Variants in RECK observed in about 807,000 individuals in gnomAD.
RECK encodes reversion inducing cysteine rich protein with kazal motifs, also known as reversion-inducing cysteine-rich protein with Kazal motifs.
A neutral mutation model predicts 115.1 loss-of-function variants in RECK; 69 were observed. The observed-to-expected ratio is 0.60, with a 90% confidence interval of 0.49 to 0.73. RECK has a LOEUF of 0.73. RECK is among the 30% of genes least tolerant of loss of function. RECK has a pLI of 0.00. For synonymous variants in RECK, 414 were observed against 419.7 expected, an observed-to-expected ratio of 0.99 and a Z score of 0.17; for missense variants, 1,047 against 1,203.7, an observed-to-expected ratio of 0.87 and a Z score of 1.93.
At chr9:36,103,724 C>T (rs1263311942) in intron 12 of RECK, among the ~76,000 whole-genome samples, 1 of 152,202 alleles carries the variant, frequency 6.6e-6, no homozygotes, top group African/African-American at 2.4e-5. Flanking sequence ...TGTCCCTTAA[C>T]CTTTGTGACC....
At chr9:36,065,313 GTGT>G (rs953181668) in intron 5 of RECK, among the ~76,000 whole-genome samples, 1 of 149,454 alleles carries the variant, frequency 6.7e-6, no homozygotes, top group Non-Finnish European at 1.5e-5. Context: ...CAAAAGGACT[GTGT>G]TGTTATGTGA....
At position 36,063,876 on chromosome 9, in the gene RECK, A is replaced by G; in HGVS notation, c.353A>G (p.Lys118Arg). 6.2e-7 allele frequency: 1 copy of G among 1,613,984 alleles called. No homozygotes were observed. The highest frequency in any genetic ancestry group is 8.5e-7 in the Non-Finnish European group (1 of 1,179,836). The part of the protein sequence containing the change: ...AIALECRQAC[K>R]QASSKNDISK... Reference sequence around the variant, plus strand: ...GCCTTGGAGTGTCGACAGGCATGCAAGCAGGTAACACTGGGTAGTCAGGCT... The same window carrying G: ...GCCTTGGAGTGTCGACAGGCATGCAGGCAGGTAACACTGGGTAGTCAGGCT... The change falls in exon 5 of 21, where the codon AAG (lysine) becomes AGG (arginine). Residue 118 changes from lysine (K) to arginine (R), a missense_variant. Coordinates refer to ENST00000377966, the MANE Select transcript of RECK (RefSeq NM_021111.3).
In RECK at chr9:36,110,036, C is replaced by T. The variant is rs1564134139; in HGVS notation, c.1845C>T (p.Cys615=). The part of the protein sequence containing the change: ...AGNLVCSTRL[C]LSEHSSEDDR... ...ATTTGGTGTGCTCTACCCGCCTTTG[C>T]CTCAGTGAGCACAGTTCAGAAGATG... Residue 615 remains cysteine (C), a synonymous_variant, in exon 15 of 21, where the codon TGC becomes TGT. Coordinates refer to ENST00000377966, the MANE Select transcript of RECK (RefSeq NM_021111.3). 6.2e-7 allele frequency: 1 copy of T among 1,613,870 alleles called. No homozygotes were observed. Among genetic ancestry groups the T allele is most frequent in the Non-Finnish European group, 8.5e-7 (1 of 1,179,778 alleles).
intron 7 of RECK, among the ~76,000 whole-genome samples, chr9:36,082,188 C>CTCT (rs1401784584): frequency 2.6e-4 from 38 of 146,456 alleles, no homozygotes; most frequent in South Asian, 6.6e-4. Context: ...CTCTCTCTCT[C>CTCT]CTTTTTTCTT....
In RECK at chr9:36,036,922, G is replaced by T; in HGVS notation, c.-77G>T. Reference sequence around the variant, plus strand: ...CTGGGGGCGGGGCCTCGCGCGAGCGGCGGCGGTAGCGGCGGCAGCGGCTGC... The same window carrying T: ...CTGGGGGCGGGGCCTCGCGCGAGCGTCGGCGGTAGCGGCGGCAGCGGCTGC... On this transcript the variant is annotated 5_prime_UTR_variant, in exon 1 of 21. Coordinates refer to ENST00000377966, the MANE Select transcript of RECK (RefSeq NM_021111.3). 1.0e-6 allele frequency: 1 copy of T among 955,074 alleles called. No homozygotes were observed. Among genetic ancestry groups the T allele is most frequent in the Non-Finnish European group, 1.4e-6 (1 of 725,090 alleles). 59.2% of individuals were successfully genotyped at this position (955,074 alleles called of 1,614,324 possible).
chr9:36,119,665 G>A (rs1347724162), intron 18 of RECK, among the ~76,000 whole-genome samples: 1 of 152,140 alleles, frequency 6.6e-6, no homozygotes, highest in Non-Finnish European at 1.5e-5. Context: ...CTAAGCACTG[G>A]GGACACAGCA....
In RECK at chr9:36,058,817, T is replaced by C; in HGVS notation, c.160-10T>C. ...AATGCCACAAAAACTTTTTTTTTTT[T>C]GTCAAATAGATTTTCTCCTCAAAAA... On this transcript the variant is annotated splice_polypyrimidine_tract_variant and intron_variant, in intron 2 of 20. Coordinates refer to ENST00000377966, the MANE Select transcript of RECK (RefSeq NM_021111.3). 2.5e-6 allele frequency: 4 copies of C among 1,581,520 alleles called. No homozygotes were observed. Among genetic ancestry groups the C allele is most frequent in the Non-Finnish European group, 3.4e-6 (4 of 1,164,750 alleles).
At chr9:36,042,379 A>C (rs554586882) in intron 1 of RECK, among the ~76,000 whole-genome samples, 1 of 151,746 alleles carries the variant, frequency 6.6e-6, no homozygotes, top group Non-Finnish European at 1.5e-5. Context: ...GGTTGCTGCA[A>C]ATGCCATTAT....
At chr9:36,101,102 G>A (rs1823551385) in intron 11 of RECK, among the ~76,000 whole-genome samples, 1 of 151,986 alleles carries the variant, frequency 6.6e-6, no homozygotes, top group Non-Finnish European at 1.5e-5. Context: ...GAGTAGCTGG[G>A]ACTACACGCC....
intron 1 of RECK, among the ~76,000 whole-genome samples, chr9:36,040,153 A>G (rs1820821311): frequency 6.6e-6 from 1 of 152,240 alleles, no homozygotes; most frequent in Non-Finnish European, 1.5e-5. Context: ...TGCTGCTCCA[A>G]GGAGCTTACA....
At chr9:36,083,297 TATG>T (rs1822802203) in intron 7 of RECK, 65 bp from the exon 8 acceptor site, 5 of 1,411,702 alleles carry the variant, frequency 3.5e-6, no homozygotes, top group Non-Finnish European at 4.9e-6. Flanking sequence ...GTTCCATCAT[TATG>T]ATGATGATTT....
chr9:36,109,858 A>T, intron 14 of RECK, 99 bp from the exon 15 acceptor site: 2 of 1,201,136 alleles, frequency 1.7e-6, no homozygotes, highest in East Asian at 2.5e-5. Context: ...AAAAAAAAGG[A>T]ATTTCCATTT....
intron 19 of RECK, among the ~76,000 whole-genome samples, chr9:36,121,134 C>T (rs562858781): frequency 2.0e-5 from 3 of 152,310 alleles, no homozygotes; most frequent in South Asian, 2.1e-4. Flanking sequence ...GAGCCCTGCC[C>T]GTTCCCTGCA....
intron 8 of RECK, among the ~76,000 whole-genome samples, chr9:36,084,588 G>C (rs1345167034): frequency 6.6e-6 from 1 of 152,066 alleles, no homozygotes. Context: ...CCAGCTACTC[G>C]GGAGGCTGAG....
intron 6 of RECK, among the ~76,000 whole-genome samples, chr9:36,070,241 C>A (rs1822175370): frequency 6.6e-6 from 1 of 151,954 alleles, no homozygotes; most frequent in African/African-American, 2.4e-5. Flanking sequence ...GTAACAGTAG[C>A]ATTTATGTTG....
intron 10 of RECK, among the ~76,000 whole-genome samples, chr9:36,099,192 C>T (rs949727255): frequency 1.3e-5 from 2 of 151,942 alleles, no homozygotes; most frequent in Non-Finnish European, 2.9e-5. Flanking sequence ...TGCCACTGCA[C>T]TCCAGCCTGG....
At chr9:36,120,210 G>A (rs1280413904) in intron 18 of RECK, among the ~76,000 whole-genome samples, 3 of 151,700 alleles carry the variant, frequency 2.0e-5, no homozygotes, top group Non-Finnish European at 4.4e-5. Context: ...ACTCTAGCCT[G>A]GGCAACAGAG....
At chr9:36,120,783 C>T in intron 19 of RECK, 47 bp downstream of exon 19, 2 of 1,221,306 alleles carry the variant, frequency 1.6e-6, no homozygotes, top group Non-Finnish European at 2.4e-6. Context: ...ATTGCTAAGC[C>T]TCTCAGTAAT....
rs1264302775 is a variant in RECK at position 36,121,620 on chromosome 9, T to C, written c.2626T>C (p.Tyr876His). Residue 876 changes from tyrosine to histidine, a missense_variant, in exon 20 of 21, where the codon TAC becomes CAC. By Grantham distance (83) the Tyr-to-His change is moderately conservative (BLOSUM62 2). Transcript: ENST00000377966. ...VSVPQCDVFG[Y>H]FSIESEIVIL... is the part of the protein sequence containing the mutation. ...TGTCCCACAGTGTGATGTGTTTGGA[T>C]ACTTCAGCATTGAATCAGAAATTGT... The C allele has an allele frequency of 3.1e-6, 5 of 1,614,124 alleles. No individual in the cohort carries two copies. Among genetic ancestry groups the C allele is most frequent in the Non-Finnish European group, 4.2e-6 (5 of 1,180,026 alleles).
Sources: allele counts gnomAD v4.1 joint callset (sites outside exome capture counted in the v4.1 genomes callset), GRCh38; gene constraint gnomAD v4.1.1; transcripts MANE v1.5; gene names NCBI Gene and HGNC (gene_info 2026-07-23, HGNC 2026-07-21).